Variants in NCL observed in about 807,000 individuals in gnomAD.
The protein encoded by NCL is nucleolin multifunctional protein.
In NCL, 4 loss-of-function variants were observed where a neutral mutation model predicts 77.7. That is an observed-to-expected ratio of 0.05 (90% CI 0.03 to 0.12). The LOEUF (loss-of-function observed/expected upper bound fraction) is 0.12. Ranked by LOEUF, NCL falls within the 10% of genes least tolerant of loss-of-function variation. The pLI is 1.00. For synonymous variants in NCL, 344 were observed against 297.8 expected (o/e 1.16, Z -1.60); for missense variants, 763 against 860.9 (o/e 0.89, Z 1.42).
intron 2 of NCL, 33 bp from the exon 3 acceptor site, chr2:231,462,050 C>A (rs778895808): frequency 6.2e-7 from 1 of 1,609,076 alleles, no homozygotes; most frequent in Admixed American, 1.7e-5. Flanking sequence ...ACCAGTAAGT[C>A]CAGCCCCACA....
intron 11 of NCL, 51 bp from the exon 12 acceptor site, chr2:231,456,187 C>T: frequency 1.9e-6 from 3 of 1,609,162 alleles, no homozygotes; most frequent in Non-Finnish European, 2.5e-6. Flanking sequence ...GTTCGTAACA[C>T]TGAATTTGCA....
At position 231,464,382 on chromosome 2, in the gene NCL, T is replaced by C. The variant is rs2046980853; in HGVS notation, c.-29A>G. ...GGCGGCGGAGTGTGAAGCGGACAAG[T>C]GGCGCAGATGAGTCCAGAAGAAGCC... On this transcript the variant is annotated 5_prime_UTR_variant, in exon 1 of 14. Coordinates refer to ENST00000322723, the MANE Select transcript of NCL (RefSeq NM_005381.3). The C allele has an allele frequency of 1.3e-6, 2 of 1,597,878 alleles. No individual in the cohort carries two copies. The highest frequency in any genetic ancestry group is 1.7e-6 in the Non-Finnish European group (2 of 1,172,142).
intron 7 of NCL, 131 bp from the exon 8 acceptor site, chr2:231,458,520 C>G (rs574411940): frequency 5.9e-6 from 7 of 1,180,614 alleles, no homozygotes; most frequent in Non-Finnish European, 7.0e-6. Context: ...GTACAAGGCT[C>G]GGTGCTAAAT....
Position 231,453,875 on chromosome 2 carries a change from T to TG in NCL, c.*1315dup, listed in dbSNP as rs1162780999. 1 of 152,246 alleles carries TG rather than the reference T, an allele frequency of 6.6e-6. No homozygotes were observed. The highest frequency in any genetic ancestry group is 1.9e-4 in the East Asian group (1 of 5,198). The allele number at this position is 152,246 out of a possible 1,614,324, so 9.4% of individuals were successfully genotyped here. ...AGTATCACAGTTTGATTTCACTAGT[T>TG]GGACTAGAACAGGTTTTTGGACTTG... On this transcript the variant is annotated 3_prime_UTR_variant, in exon 14 of 14. Transcript: ENST00000322723.
Position 231,461,929 on chromosome 2 carries a change from G to T in NCL, c.224C>A (p.Ala75Asp). 1 of 1,614,198 alleles carries T rather than the reference G, an allele frequency of 6.2e-7. No homozygotes were observed. Among genetic ancestry groups the T allele is most frequent in the Non-Finnish European group, 8.5e-7 (1 of 1,180,028 alleles). ...VVSPTKKVAV[A>D]TPAKKAAVTP... is the part of the protein sequence containing the mutation. ...GACAGCTGCTTTCTTGGCTGGTGTG[G>T]CAACTGCAACCTTTTTTGTTGGGGA... The change falls in exon 3 of 14, where the codon GCC becomes GAC. Residue 75 changes from alanine (A) to aspartate (D), a missense_variant. By Grantham distance (126) the Ala-to-Asp change is moderately radical. Around this residue, in one of 2 missense-constraint regions of NCL, gnomAD observed 590 missense variants for 570.5 expected, o/e 1.03. Transcript: ENST00000322723.
rs968105495 is a variant in NCL, at chr2:231,457,292, C to T, written c.1448-168G>A. The T allele has an allele frequency of 1.1e-4, 106 of 964,716 alleles. 3 individuals carry two copies. In the Middle Eastern group the frequency reaches 2.7e-3, roughly 24 times the overall value. 59.8% of individuals were successfully genotyped at this position (964,716 alleles called of 1,614,324 possible). ...TACTCAACATATTAAGTACCTAGTA[C>T]GTGTTGCAATGTCCTGCTGGTTGTT... On this transcript the variant is annotated intron_variant, in intron 9 of 13. Transcript: ENST00000322723.
At chr2:231,463,946 G>A (rs1055576438) in intron 1 of NCL, 3 of 248,270 alleles carry the variant, frequency 1.2e-5, no homozygotes, top group Admixed American at 5.5e-5. Context: ...CAAGGCACCC[G>A]GTCCCTCTGG....
At chr2:231,461,115 C>A (rs182563272) in intron 3 of NCL, among the ~76,000 whole-genome samples, 2 of 151,952 alleles carry the variant, frequency 1.3e-5, no homozygotes, top group South Asian at 2.1e-4. Flanking sequence ...GTCGTCTCTA[C>A]TAAAAATACA....
chr2:231,460,624 C>G (rs1180910896), intron 4 of NCL, 45 bp downstream of exon 4: 11 of 1,614,006 alleles, frequency 6.8e-6, no homozygotes, highest in South Asian at 2.2e-5. Flanking sequence ...TAAGTGCCTC[C>G]TTTAAACATA....
chr2:231,457,341 T>C (rs1466516361), intron 9 of NCL: 1 of 784,186 alleles, frequency 1.3e-6, no homozygotes, highest in Non-Finnish European at 2.2e-6. Flanking sequence ...ATGACTGGTC[T>C]GTTTTCCTAG....
chr2:231,455,873 C>CT, intron 12 of NCL, 137 bp downstream of exon 12: 1 of 1,394,058 alleles, frequency 7.2e-7, no homozygotes, highest in Non-Finnish European at 1.0e-6. Flanking sequence ...TGTGAATTCT[C>CT]TCTTCTTCTC....
chr2:231,461,274 C>T (rs1308447520), intron 3 of NCL, among the ~76,000 whole-genome samples: 1 of 140,224 alleles, frequency 7.1e-6, no homozygotes, highest in Non-Finnish European at 1.6e-5. Context: ...AAAGCTCCAT[C>T]TCAAAAAAAT....
intron 1 of NCL, 106 bp downstream of exon 1, chr2:231,464,230 C>T: frequency 6.6e-7 from 1 of 1,505,458 alleles, no homozygotes; most frequent in Non-Finnish European, 9.0e-7. Flanking sequence ...AGCATGGCGC[C>T]CTAGAACGCG....
At chr2:231,457,579 TACAAAG>T in intron 9 of NCL, 58 bp downstream of exon 9, 1 of 1,431,460 alleles carries the variant, frequency 7.0e-7, no homozygotes, top group Non-Finnish European at 9.5e-7. Flanking sequence ...ACTTATGAAA[TACAAAG>T]ACACAAAGGA....
intron 11 of NCL, 73 bp from the exon 12 acceptor site, chr2:231,456,209 A>G: frequency 5.1e-6 from 8 of 1,577,386 alleles, no homozygotes; most frequent in Admixed American, 1.7e-5. Context: ...AATGCCTAGT[A>G]TGACTACTAG....
intron 12 of NCL, 155 bp from the exon 13 acceptor site, chr2:231,455,779 G>GGT (rs2046881406): frequency 8.7e-7 from 1 of 1,143,878 alleles, no homozygotes; most frequent in Non-Finnish European, 1.3e-6. Context: ...AAAACTAACT[G>GGT]GTGTGACAGC....
rs985488984 is a variant in NCL, at chr2:231,454,198, C to G, written c.*993G>C. On this transcript the variant is annotated 3_prime_UTR_variant, in exon 14 of 14. Transcript: ENST00000322723. ...ATGGGAGTCTCGCTTTGTTACCCAGCCTGGAGTATAGTAGTGTGTGCTCAG... is the reference window on the plus strand; with the variant it reads ...ATGGGAGTCTCGCTTTGTTACCCAGGCTGGAGTATAGTAGTGTGTGCTCAG... The G allele has an allele frequency of 6.6e-6, 1 of 152,264 alleles. No individual in the cohort carries two copies. Among genetic ancestry groups the G allele is most frequent in the Non-Finnish European group, 1.5e-5 (1 of 68,132 alleles). The allele number at this position is 152,264 out of a possible 1,614,324, so 9.4% of individuals were successfully genotyped here.
chr2:231,456,309 T>C lies in NCL; in HGVS notation c.1706-173A>G, dbSNP rs1020587575. 26 of 939,064 alleles carry C rather than the reference T, an allele frequency of 2.8e-5. No individual in the cohort carries two copies. In the East Asian group the frequency reaches 6.0e-4, roughly 22 times the overall value. The allele number at this position is 939,064 out of a possible 1,614,324, so 58.2% of individuals were successfully genotyped here. ...AGTAAAGGCTATTCTGGGTTTACAT[T>C]TTTTAATTGCCATTGCATAGTTGAT... On this transcript the variant is annotated intron_variant, in intron 11 of 13. Coordinates refer to ENST00000322723, the MANE Select transcript of NCL (RefSeq NM_005381.3).
In NCL at chr2:231,463,105, T is replaced by G; in HGVS notation, c.135+95A>C. The G allele has an allele frequency of 3.3e-6, 3 of 901,188 alleles. No individual in the cohort carries two copies. The South Asian group carries it at 4.8e-5, about 14-fold the overall frequency. The allele number at this position is 901,188 out of a possible 1,614,324, so 55.8% of individuals were successfully genotyped here. ...ACCACTACAATAAGACATACCTGAA[T>G]AAAATCTTATTTTTGCCACAGATAT... On this transcript the variant is annotated intron_variant, in intron 2 of 13. Coordinates refer to ENST00000322723, the MANE Select transcript of NCL (RefSeq NM_005381.3).
Sources: allele counts gnomAD v4.1 joint callset (sites outside exome capture counted in the v4.1 genomes callset), GRCh38; gene constraint gnomAD v4.1.1; regional missense constraint gnomAD v4.1.1; transcripts MANE v1.5; gene names NCBI Gene and HGNC (gene_info 2026-07-23, HGNC 2026-07-21).